Variants in SCAPER observed in about 807,000 individuals in gnomAD.
SCAPER encodes the protein S-phase cyclin A associated protein in the ER.
SCAPER carries 98 observed loss-of-function variants against 182.2 expected under a neutral mutation model. That is an observed-to-expected ratio of 0.54 (90% CI 0.46 to 0.64). SCAPER has a LOEUF of 0.64. Ranked by LOEUF, SCAPER falls within the 30% of genes least tolerant of loss-of-function variation. The pLI, the probability that SCAPER is intolerant of heterozygous loss-of-function variation, is 0.00. For missense variants in SCAPER, 1,432 were observed against 1,690.0 expected (o/e 0.85, Z 2.68); for synonymous variants, 605 against 564.6 (o/e 1.07, Z -1.01).
At chr15:76,460,205 C>T (rs1235618072) in intron 25 of SCAPER, among the ~76,000 whole-genome samples, 3 of 152,088 alleles carry the variant, frequency 2.0e-5, no homozygotes, top group Non-Finnish European at 4.4e-5. Flanking sequence ...GATCCATGAG[C>T]ATGGATATCT....
intron 5 of SCAPER, among the ~76,000 whole-genome samples, chr15:76,825,164 T>C (rs961769835): frequency 5.3e-5 from 8 of 152,210 alleles, no homozygotes; most frequent in Admixed American, 1.3e-4. Context: ...CCAATACCAA[T>C]TATATGCTTT....
intron 22 of SCAPER, among the ~76,000 whole-genome samples, chr15:76,612,549 T>A (rs1452121676): frequency 6.6e-6 from 1 of 152,186 alleles, no homozygotes; most frequent in Non-Finnish European, 1.5e-5. Context: ...CAAAAGCTTC[T>A]TGAGCTGAAA....
chr15:76,616,863 C>G (rs1240063993), intron 22 of SCAPER, among the ~76,000 whole-genome samples: 1 of 152,096 alleles, frequency 6.6e-6, no homozygotes. Flanking sequence ...AGTTTTCAAT[C>G]ATCATAAGCA....
At chr15:76,816,451 A>G (rs1188256765) in intron 5 of SCAPER, among the ~76,000 whole-genome samples, 1 of 152,044 alleles carries the variant, frequency 6.6e-6, no homozygotes, top group Non-Finnish European at 1.5e-5. Context: ...CCACCTCCAC[A>G]TATTGTCCCA....
intron 24 of SCAPER, among the ~76,000 whole-genome samples, chr15:76,499,671 G>A (rs1423108582): frequency 1.3e-5 from 2 of 152,172 alleles, no homozygotes; most frequent in African/African-American, 4.8e-5. Context: ...AAAGTGCTAA[G>A]CCGAACTATT....
At chr15:76,894,185 G>A (rs1733200324) in intron 1 of SCAPER, among the ~76,000 whole-genome samples, 1 of 152,100 alleles carries the variant, frequency 6.6e-6, no homozygotes, top group African/African-American at 2.4e-5. Flanking sequence ...CTGGGAGGTG[G>A]AGGTTGCAGT....
chr15:76,637,740 ATATGTG>A (rs1287091567), intron 21 of SCAPER, among the ~76,000 whole-genome samples: 418 of 31,810 alleles, frequency 0.013, no homozygotes, highest in Middle Eastern at 0.017. Flanking sequence ...ATATATATAT[ATATGTG>A]TGTGTGTGTG....
chr15:76,667,876 C>T (rs979367324), intron 20 of SCAPER, among the ~76,000 whole-genome samples: 1 of 149,172 alleles, frequency 6.7e-6, no homozygotes, highest in African/African-American at 2.5e-5. Context: ...GGCAGAAGAA[C>T]TGCTTGAACC....
At chr15:76,799,122 A>C (rs1055428829) in intron 7 of SCAPER, among the ~76,000 whole-genome samples, 2 of 152,212 alleles carry the variant, frequency 1.3e-5, no homozygotes, top group South Asian at 4.1e-4. Context: ...TTGTATGACA[A>C]TAACACAATG....
chr15:76,764,728 T>C lies in SCAPER; in HGVS notation c.1725+233A>G, dbSNP rs182024776. On this transcript the variant is annotated intron_variant, in intron 14 of 31. Coordinates refer to ENST00000563290, the MANE Select transcript of SCAPER (RefSeq NM_020843.4). The stretch of plus-strand genomic sequence containing the variant: ...AACCCTCCAATGAAAACGGCAAAAG[T>C]AGAGCTTTAATAATCCACGCAAACC... Among the ~76,000 whole-genome samples, 3 of 152,314 alleles carry C rather than the reference T, an allele frequency of 2.0e-5. 1 individual carries two copies. Among genetic ancestry groups the C allele is most frequent in the East Asian group, 1.9e-4 (1 of 5,186 alleles).
intron 21 of SCAPER, among the ~76,000 whole-genome samples, chr15:76,662,372 T>C (rs1314885942): frequency 2.6e-5 from 4 of 151,918 alleles, no homozygotes; most frequent in African/African-American, 9.7e-5. Context: ...TCAGTTACAA[T>C]AACAACAACA....
chr15:76,669,947 C>G (rs1343225898), intron 20 of SCAPER, among the ~76,000 whole-genome samples: 1 of 152,138 alleles, frequency 6.6e-6, no homozygotes, highest in Non-Finnish European at 1.5e-5. Context: ...GAAACTTATA[C>G]ACAAATGCAG....
At chr15:76,878,604 A>G (rs1041444557) in intron 2 of SCAPER, among the ~76,000 whole-genome samples, 2 of 152,084 alleles carry the variant, frequency 1.3e-5, no homozygotes, top group Non-Finnish European at 2.9e-5. Flanking sequence ...AAGATAAAGA[A>G]CTCCTTAAAT....
intron 14 of SCAPER, among the ~76,000 whole-genome samples, chr15:76,763,405 C>G (rs2062918656): frequency 6.6e-6 from 1 of 152,092 alleles, no homozygotes; most frequent in Non-Finnish European, 1.5e-5. Context: ...TCTCTTGCAG[C>G]TTTCAAAATT....
chr15:76,781,795 A>G (rs541918950), intron 8 of SCAPER, among the ~76,000 whole-genome samples: 86 of 152,302 alleles, frequency 5.6e-4, no homozygotes, highest in African/African-American at 2.0e-3. Flanking sequence ...ACTAAGCTTC[A>G]TAAGTGAAGG....
chr15:76,484,920 C>T (rs764006125), intron 24 of SCAPER, among the ~76,000 whole-genome samples: 5 of 146,770 alleles, frequency 3.4e-5, no homozygotes, highest in Non-Finnish European at 4.6e-5. Flanking sequence ...ATAATAAGAG[C>T]CATCTATGAC....
At chr15:76,360,237 G>GT (rs1215966012) in intron 29 of SCAPER, among the ~76,000 whole-genome samples, 5 of 152,190 alleles carry the variant, frequency 3.3e-5, no homozygotes, top group Non-Finnish European at 7.4e-5. Context: ...CAAAACCTCA[G>GT]TTAACACAGC....
chr15:76,404,497 T>C (rs769895634), intron 27 of SCAPER, 27 bp downstream of exon 27: 3 of 1,575,870 alleles, frequency 1.9e-6, no homozygotes, highest in Non-Finnish European at 1.7e-6. Context: ...AAGTTGAGTC[T>C]AGATTGAGAT....
intron 26 of SCAPER, among the ~76,000 whole-genome samples, chr15:76,412,037 T>A (rs1450201798): frequency 1.3e-5 from 2 of 152,184 alleles, no homozygotes; most frequent in Admixed American, 1.3e-4. Flanking sequence ...TCACAACTTT[T>A]GTGTTTAGAT....
Sources: allele counts gnomAD v4.1 joint callset (sites outside exome capture counted in the v4.1 genomes callset), GRCh38; gene constraint gnomAD v4.1.1; transcripts MANE v1.5; gene names NCBI Gene and HGNC (gene_info 2026-07-23, HGNC 2026-07-21).